The following HSD17B12 variants were observed in gnomAD, a reference collection of about 807,000 sequenced individuals.
HSD17B12 encodes the protein very-long-chain 3-oxoacyl-CoA reductase.
In HSD17B12, 32 loss-of-function variants were observed where a neutral mutation model predicts 39.3. The observed-to-expected ratio is 0.81, with a 90% CI of 0.61 to 1.09. HSD17B12 has a LOEUF of 1.09. Among genes scored for constraint, HSD17B12 ranks in the 50% least tolerant of loss-of-function variants. The pLI is 0.00. For synonymous variants in HSD17B12, 150 were observed against 146.7 expected (o/e 1.02, Z -0.16); for missense variants, 342 against 382.9 (o/e 0.89, Z 0.89).
At chr11:43,726,820 C>T (rs954986710) in intron 1 of HSD17B12, among the ~76,000 whole-genome samples, 1 of 152,106 alleles carries the variant, frequency 6.6e-6, no homozygotes, top group African/African-American at 2.4e-5. Context: ...AAGCTGCCAG[C>T]CTTGTCAAAA....
the HSD17B12 span, among the ~76,000 whole-genome samples, chr11:43,635,507 C>T: frequency 2.6e-5 from 4 of 152,152 alleles, no homozygotes; most frequent in African/African-American, 9.7e-5. Context: ...TTTTTATTTA[C>T]ATATTACATC....
chr11:43,752,849 GT>G (rs1430279070), intron 2 of HSD17B12, among the ~76,000 whole-genome samples: 1 of 151,962 alleles, frequency 6.6e-6, no homozygotes, highest in East Asian at 1.9e-4. Flanking sequence ...TGGGCTAATG[GT>G]TTTTTTAGTG....
chr11:43,690,435 T>C (rs1949852189), intron 1 of HSD17B12, among the ~76,000 whole-genome samples: 1 of 122,912 alleles, frequency 8.1e-6, no homozygotes, highest in Non-Finnish European at 1.7e-5. Context: ...AGACAGGGTC[T>C]CACTATATTG....
the HSD17B12 span, among the ~76,000 whole-genome samples, chr11:43,577,207 C>G: frequency 1.3e-5 from 2 of 152,230 alleles, no homozygotes; most frequent in African/African-American, 4.8e-5. Context: ...AGTTCAGTTC[C>G]GTGCGCCAGG....
At chr11:43,787,202 A>G (rs991316808) in intron 3 of HSD17B12, among the ~76,000 whole-genome samples, 1 of 152,078 alleles carries the variant, frequency 6.6e-6, no homozygotes, top group African/African-American at 2.4e-5. Flanking sequence ...TCCGCCTCCC[A>G]AAGTGCTGGG....
At chr11:43,661,124 CAATAAT>C in the HSD17B12 span, among the ~76,000 whole-genome samples, 14 of 152,046 alleles carry the variant, frequency 9.2e-5, no homozygotes, top group East Asian at 1.9e-3. Context: ...AACTCCATCT[CAATAAT>C]AATAATAAAA....
At chr11:43,827,907 A>G (rs1951262038) in intron 6 of HSD17B12, among the ~76,000 whole-genome samples, 1 of 152,150 alleles carries the variant, frequency 6.6e-6, no homozygotes, top group Non-Finnish European at 1.5e-5. Flanking sequence ...ATATTTGTAT[A>G]CTTTTTGGCT....
At chr11:43,764,783 A>G (rs1487829870) in intron 3 of HSD17B12, among the ~76,000 whole-genome samples, 1 of 152,084 alleles carries the variant, frequency 6.6e-6, no homozygotes, top group Admixed American at 6.5e-5. Context: ...TTTTTCCTTT[A>G]ATCTATAAGT....
chr11:43,719,803 T>G (rs1381855412), intron 1 of HSD17B12, among the ~76,000 whole-genome samples: 1 of 152,170 alleles, frequency 6.6e-6, no homozygotes, highest in Admixed American at 6.5e-5. Flanking sequence ...TTCAACCTGC[T>G]TCTTACCTAT....
intron 6 of HSD17B12, chr11:43,830,155 T>C (rs886160462): frequency 6.6e-6 from 1 of 152,242 alleles, no homozygotes; most frequent in Non-Finnish European, 1.5e-5. Flanking sequence ...ACAAAATTTC[T>C]ATGCTTAGCA....
At chr11:43,755,946 G>T (rs1207012008) in intron 3 of HSD17B12, among the ~76,000 whole-genome samples, 1 of 152,164 alleles carries the variant, frequency 6.6e-6, no homozygotes, top group Admixed American at 6.5e-5. Context: ...AAGGTGAAAG[G>T]CACGTCTTAC....
intron 5 of HSD17B12, among the ~76,000 whole-genome samples, chr11:43,816,016 A>T (rs866489214): frequency 6.6e-6 from 1 of 152,208 alleles, no homozygotes; most frequent in African/African-American, 2.4e-5. Flanking sequence ...TGAAAATCCT[A>T]GGTTCAGTAA....
At chr11:43,634,500 G>A in the HSD17B12 span, among the ~76,000 whole-genome samples, 2 of 152,120 alleles carry the variant, frequency 1.3e-5, no homozygotes, top group African/African-American at 2.4e-5. Flanking sequence ...ACACCATTAC[G>A]TATAGCATAG....
intron 6 of HSD17B12, among the ~76,000 whole-genome samples, chr11:43,828,318 A>C (rs1025509590): frequency 4.8e-5 from 7 of 144,660 alleles, no homozygotes; most frequent in Non-Finnish European, 7.6e-5. Flanking sequence ...AATTTTTTGT[A>C]TTTTTAGTAG....
intron 3 of HSD17B12, among the ~76,000 whole-genome samples, chr11:43,760,177 C>G (rs1198797421): frequency 6.6e-6 from 1 of 151,970 alleles, no homozygotes; most frequent in Non-Finnish European, 1.5e-5. Context: ...GGATTACAGG[C>G]CTGAGTCACT....
intron 3 of HSD17B12, among the ~76,000 whole-genome samples, chr11:43,785,732 G>A (rs1950810052): frequency 6.6e-6 from 1 of 152,054 alleles, no homozygotes; most frequent in Admixed American, 6.6e-5. Flanking sequence ...GTTGCAATAT[G>A]GAATCTGAAA....
chr11:43,591,821 A>C, the HSD17B12 span, among the ~76,000 whole-genome samples: 1 of 152,036 alleles, frequency 6.6e-6, no homozygotes, highest in Non-Finnish European at 1.5e-5. Context: ...ATATCTAAGA[A>C]GGTATTTTAT....
At chr11:43,778,666 C>G (rs1412091128) in intron 3 of HSD17B12, among the ~76,000 whole-genome samples, 1 of 151,112 alleles carries the variant, frequency 6.6e-6, no homozygotes, top group Non-Finnish European at 1.5e-5. Context: ...CCCTGGGATG[C>G]AAGGCTGGTT....
At chr11:43,591,074 A>G in the HSD17B12 span, among the ~76,000 whole-genome samples, 4 of 152,112 alleles carry the variant, frequency 2.6e-5, no homozygotes, top group Non-Finnish European at 5.9e-5. Context: ...AAATGAAATA[A>G]TATTTAAATA....
Sources: gnomAD v4.1 joint callset for allele counts (sites outside exome capture counted in the v4.1 genomes callset) on GRCh38, gnomAD v4.1.1 for gene constraint, MANE v1.5 for transcripts, NCBI Gene and HGNC (gene_info 2026-07-23, HGNC 2026-07-21) for gene names.